Variants in COPB2 observed in about 807,000 individuals in gnomAD.
COPB2 encodes coat protein complex I subunit beta 2.
COPB2 carries 16 observed loss-of-function variants against 120.8 expected under a neutral mutation model. The observed-to-expected ratio is 0.13, with a 90% CI of 0.09 to 0.20. The LOEUF is 0.20. Among genes scored for constraint, COPB2 ranks in the 10% least tolerant of loss-of-function variants. The probability of loss-of-function intolerance (pLI) is 1.00; values close to 1 mark genes in which losing one functional copy is unlikely to be tolerated. For synonymous variants in COPB2, 332 were observed against 366.3 expected (o/e 0.91, Z 1.07); for missense variants, 794 against 1,076.5 (o/e 0.74, Z 3.67).
At chr3:139,385,617 T>C (rs1156370509) in intron 1 of COPB2, among the ~76,000 whole-genome samples, 1 of 152,126 alleles carries the variant, frequency 6.6e-6, no homozygotes, top group African/African-American at 2.4e-5. Context: ...ACAGAAACAA[T>C]GAAAATTGGA....
At chr3:139,359,422 T>A in intron 17 of COPB2, 60 bp from the exon 18 acceptor site, 1 of 1,486,328 alleles carries the variant, frequency 6.7e-7, no homozygotes, top group Non-Finnish European at 9.2e-7. Flanking sequence ...AATGGGTACT[T>A]AACACAAAGT....
At chr3:139,365,651 T>C (rs926746424) in intron 15 of COPB2, among the ~76,000 whole-genome samples, 1 of 152,044 alleles carries the variant, frequency 6.6e-6, no homozygotes, top group African/African-American at 2.4e-5. Context: ...GGAAAACCAG[T>C]GCAGTCTGAA....
Position 139,383,355 on chromosome 3 carries a change from T to C in COPB2, c.84A>G (p.Pro28=), listed in dbSNP as rs1430331405. The C allele has an allele frequency of 6.2e-7, 1 of 1,613,388 alleles. No individual in the cohort carries two copies. The highest frequency in any genetic ancestry group is 1.3e-5 in the African/African-American group (1 of 74,884). The change falls in exon 2 of 22, where the codon CCA becomes CCG. Residue 28 remains proline, a synonymous_variant. Transcript: ENST00000333188. Reference sequence around the variant, plus strand: ...CATTGTAAAGACTTGCCAACATCCATGGCTCTGTAGGATGCAGATCCACAC... The same window carrying C: ...CATTGTAAAGACTTGCCAACATCCACGGCTCTGTAGGATGCAGATCCACAC... The part of the protein sequence containing the change: ...VKSVDLHPTE[P]WMLASLYNGS...
At chr3:139,367,268 C>T (rs957954313) in intron 13 of COPB2, 123 bp from the exon 14 acceptor site, 95 of 1,121,864 alleles carry the variant, frequency 8.5e-5, no homozygotes, top group Admixed American at 5.4e-4. Context: ...CTTCCTATTT[C>T]TAGAAAAAAA....
intron 5 of COPB2, among the ~76,000 whole-genome samples, chr3:139,376,469 CTTTA>C (rs1463887455): frequency 6.6e-6 from 1 of 152,064 alleles, no homozygotes; most frequent in African/African-American, 2.4e-5. Flanking sequence ...ATAAAATAAA[CTTTA>C]TTGGAACTGA....
chr3:139,368,930 T>C (rs1941572856), intron 12 of COPB2, among the ~76,000 whole-genome samples: 2 of 152,114 alleles, frequency 1.3e-5, no homozygotes, highest in Non-Finnish European at 2.9e-5. Flanking sequence ...TATGAAAAGG[T>C]TTTCTGAACT....
Position 139,361,154 on chromosome 3 carries a change from T to C in COPB2, c.2137A>G (p.Asn713Asp). Residue 713 changes from asparagine to aspartate, a missense_variant, in exon 17 of 22, where the codon AAC becomes GAC. By Grantham distance (23) the Asn-to-Asp change is conservative. This residue lies in a region of COPB2 where 610 missense variants were observed against 866.7 expected (regional missense o/e 0.70). Transcript: ENST00000333188. ...CTCTCCGCACCCTCTGCTAGCTTGT[T>C]CACCATATTAGCATTTCCAGAGGCA... ...ATASGNANMV[N>D]KLAEGAERDG... is the part of the protein sequence containing the mutation. 6.2e-7 allele frequency: 1 copy of C among 1,614,236 alleles called. No individual in the cohort carries two copies. The highest frequency in any genetic ancestry group is 8.5e-7 in the Non-Finnish European group (1 of 1,180,038).
intron 7 of COPB2, among the ~76,000 whole-genome samples, 161 bp from the exon 8 acceptor site, chr3:139,373,969 A>G (rs926858385): frequency 6.6e-6 from 1 of 152,222 alleles, no homozygotes; most frequent in South Asian, 2.1e-4. Context: ...TGATTTTTAA[A>G]AGCAACATAA....
At position 139,357,590 on chromosome 3, in the gene COPB2, A is replaced by G; in HGVS notation, c.*273T>C. On this transcript the variant is annotated 3_prime_UTR_variant, in exon 22 of 22. Transcript: ENST00000333188. ...ATTGAGAAAGGAAACAAGTACCTTC[A>G]TTAATTCAAAAGGTTTTATGAGATA... is the stretch of plus-strand genomic sequence containing the variant. 1 of 280,666 alleles carries G rather than the reference A, an allele frequency of 3.6e-6. No individual in the cohort carries two copies. The highest frequency in any genetic ancestry group is 6.6e-6 in the Non-Finnish European group (1 of 152,460). 17.4% of individuals were successfully genotyped at this position (280,666 alleles called of 1,614,324 possible). A position where few individuals can be genotyped will look rare whatever the true frequency, so the allele number is the denominator to read the frequency against.
At chr3:139,386,706 T>G (rs943759906) in intron 1 of COPB2, among the ~76,000 whole-genome samples, 2 of 152,102 alleles carry the variant, frequency 1.3e-5, no homozygotes, top group African/African-American at 4.8e-5. Flanking sequence ...TGGTGAGGGT[T>G]TTCATATAAG....
intron 16 of COPB2, 47 bp downstream of exon 16, chr3:139,362,360 C>G: frequency 7.4e-7 from 1 of 1,342,326 alleles, no homozygotes; most frequent in Middle Eastern, 1.8e-4. Flanking sequence ...ATAGAAGTAC[C>G]TACTGACTTT....
intron 5 of COPB2, 111 bp from the exon 6 acceptor site, chr3:139,375,725 G>T: frequency 1.6e-6 from 2 of 1,243,354 alleles, no homozygotes; most frequent in Non-Finnish European, 2.1e-6. Context: ...GGAGAGAAGA[G>T]CTATCAAATT....
chr3:139,373,593 A>T, intron 8 of COPB2, 73 bp downstream of exon 8: 11 of 1,596,936 alleles, frequency 6.9e-6, no homozygotes, highest in Non-Finnish European at 9.4e-6. Context: ...GGTTACTTGG[A>T]AGATGACAGT....
intron 10 of COPB2, among the ~76,000 whole-genome samples, chr3:139,369,835 A>G (rs969806011): frequency 6.6e-6 from 1 of 152,334 alleles, no homozygotes. Context: ...TAAACAAATT[A>G]TCGTATATTC....
At chr3:139,375,851 G>T (rs2107805719) in intron 5 of COPB2, among the ~76,000 whole-genome samples, 1 of 152,302 alleles carries the variant, frequency 6.6e-6, no homozygotes, top group South Asian at 2.1e-4. Context: ...TATCTCTAGA[G>T]ATTATAAGTC....
chr3:139,358,761 T>C lies in COPB2; in HGVS notation c.2536A>G (p.Arg846Gly). 1 of 1,612,808 alleles carries C rather than the reference T, an allele frequency of 6.2e-7. No homozygotes were observed. Among genetic ancestry groups the C allele is most frequent in the Non-Finnish European group, 8.5e-7 (1 of 1,178,884 alleles). The change falls in exon 20 of 22, where the codon AGA (arginine) becomes GGA (glycine). Residue 846 changes from arginine to glycine, a missense_variant. Arg to Gly is a moderately radical substitution (Grantham distance 125). Transcript: ENST00000333188. ...MEEGKDFQPS[R>G]STAQQELDGK... ...CTACTGACCTGTTGAGCTGTAGATC[T>C]TGAGGGCTGAAAGTCTTTTCCCTCT...
chr3:139,369,345 C>T lies in COPB2; in HGVS notation c.1317G>A (p.Leu439=). The T allele has an allele frequency of 6.2e-7, 1 of 1,613,402 alleles. No homozygotes were observed. The highest frequency in any genetic ancestry group is 8.5e-7 in the Non-Finnish European group (1 of 1,179,660). ...CTAAGCCATTTACAGATCTGACTCC[C>T]AATAAGAAGCCGCCGTAGATACCTA... is the stretch of plus-strand genomic sequence containing the variant. ...GAESIYGGFL[L]GVRSVNGLAF... The change falls in exon 12 of 22, where the codon TTG becomes TTA. Residue 439 remains leucine, a synonymous_variant. Coordinates refer to ENST00000333188, the MANE Select transcript of COPB2 (RefSeq NM_004766.3).
At chr3:139,375,283 TA>T (rs1941692909) in intron 6 of COPB2, among the ~76,000 whole-genome samples, 184 bp downstream of exon 6, 1 of 152,234 alleles carries the variant, frequency 6.6e-6, no homozygotes, top group Non-Finnish European at 1.5e-5. Context: ...ATTTTATTTT[TA>T]AAATCTTGAT....
intron 5 of COPB2, among the ~76,000 whole-genome samples, chr3:139,376,287 C>G (rs1941712187): frequency 6.6e-6 from 1 of 151,792 alleles, no homozygotes; most frequent in African/African-American, 2.4e-5. Context: ...AAATAAAGGC[C>G]TATTAAAAGG....
Sources: allele counts gnomAD v4.1 joint callset (sites outside exome capture counted in the v4.1 genomes callset), GRCh38; gene constraint gnomAD v4.1.1; regional missense constraint gnomAD v4.1.1; transcripts MANE v1.5; gene names NCBI Gene and HGNC (gene_info 2026-07-23, HGNC 2026-07-21).